MCU: variants seen among roughly 807,000 people sequenced by gnomAD.
MCU encodes the protein calcium uniporter protein, mitochondrial.
MCU carries 12 observed loss-of-function variants against 45.2 expected under a neutral mutation model. That is an observed-to-expected ratio of 0.27 (90% CI 0.17 to 0.43). The LOEUF (loss-of-function observed/expected upper bound fraction) is 0.43. Ranked by LOEUF, MCU falls within the 20% of genes least tolerant of loss-of-function variation. The pLI is 1.00. For missense variants in MCU, 324 were observed against 436.7 expected, an observed-to-expected ratio of 0.74 and a Z score of 2.30; for synonymous variants, 160 against 165.1, an observed-to-expected ratio of 0.97 and a Z score of 0.24.
chr10:72,877,625 T>C (rs1371372184), intron 6 of MCU, among the ~76,000 whole-genome samples: 3 of 152,004 alleles, frequency 2.0e-5, no homozygotes, highest in Non-Finnish European at 4.4e-5. Flanking sequence ...ACACATCTGT[T>C]TAAAGATACT....
rs559441651 is a variant in MCU at position 72,867,208 on chromosome 10, T to A, written c.497-1495T>A. On this transcript the variant is annotated intron_variant, in intron 4 of 7. Coordinates refer to ENST00000373053, the MANE Select transcript of MCU (RefSeq NM_138357.3). ...CTTAAAGAATGTTTGAAATATGTGG[T>A]TAATTCTGACTGTGGCTTGTTTTGT... 9.9e-5 allele frequency among the ~76,000 whole-genome samples: 15 copies of A among 152,046 alleles called. No homozygotes were observed. In the South Asian group the frequency reaches 2.9e-3, roughly 30 times the overall value.
chr10:72,834,537 TGGGCTTAG>T, intron 2 of MCU, 109 bp downstream of exon 2: 1 of 875,838 alleles, frequency 1.1e-6, no homozygotes, highest in Admixed American at 2.2e-5. Context: ...TCAGTTAAGG[TGGGCTTAG>T]GGGTCAGAGA....
intron 1 of MCU, among the ~76,000 whole-genome samples, chr10:72,792,363 C>T (rs969287031): frequency 5.3e-5 from 8 of 152,118 alleles, no homozygotes; most frequent in Admixed American, 5.2e-4. Context: ...AAAACTTTTC[C>T]GATTTGTGCT....
At chr10:72,774,762 A>G (rs1843865210) in intron 1 of MCU, among the ~76,000 whole-genome samples, 1 of 152,196 alleles carries the variant, frequency 6.6e-6, no homozygotes, top group Non-Finnish European at 1.5e-5. Flanking sequence ...ATATTGAATA[A>G]TATAGACTAC....
chr10:72,743,568 AT>A (rs906507596), intron 1 of MCU, among the ~76,000 whole-genome samples: 13 of 151,818 alleles, frequency 8.6e-5, no homozygotes, highest in Non-Finnish European at 1.6e-4. Context: ...TATTAGAAGC[AT>A]TTTTTTTCTG....
At chr10:72,804,592 C>G (rs1844401739) in intron 1 of MCU, among the ~76,000 whole-genome samples, 2 of 152,194 alleles carry the variant, frequency 1.3e-5, no homozygotes, top group South Asian at 4.1e-4. Flanking sequence ...CAGCCTTTTT[C>G]CTAACATAGT....
intron 1 of MCU, among the ~76,000 whole-genome samples, chr10:72,719,597 C>T (rs1323388612): frequency 6.6e-6 from 1 of 152,116 alleles, no homozygotes; most frequent in African/African-American, 2.4e-5. Flanking sequence ...TTTACATGTT[C>T]TTTTGGCTTT....
chr10:72,769,497 A>G (rs887708429), intron 1 of MCU, among the ~76,000 whole-genome samples: 1 of 152,112 alleles, frequency 6.6e-6, no homozygotes, highest in African/African-American at 2.4e-5. Context: ...TGCTGAGGCC[A>G]GTCTTGAACT....
At chr10:72,867,446 TA>T (rs1845474204) in intron 4 of MCU, among the ~76,000 whole-genome samples, 1 of 152,168 alleles carries the variant, frequency 6.6e-6, no homozygotes, top group African/African-American at 2.4e-5. Context: ...GTCGTTCTCA[TA>T]ACTTCATACC....
intron 1 of MCU, among the ~76,000 whole-genome samples, chr10:72,743,800 CA>C (rs560963079): frequency 1.1e-3 from 169 of 152,168 alleles, no homozygotes; most frequent in African/African-American, 3.9e-3. Context: ...AATTTGAGAC[CA>C]ACTAATTAGA....
intron 1 of MCU, among the ~76,000 whole-genome samples, chr10:72,815,597 G>A (rs894742122): frequency 1.3e-5 from 2 of 152,152 alleles, no homozygotes; most frequent in African/African-American, 2.4e-5. Flanking sequence ...TGTTGACCAT[G>A]TCTTGAAGTT....
intron 1 of MCU, among the ~76,000 whole-genome samples, chr10:72,805,160 TG>T (rs1243926480): frequency 3.7e-4 from 52 of 141,260 alleles, no homozygotes; most frequent in African/African-American, 1.5e-3. Flanking sequence ...TCTTTCTTTC[TG>T]TCTCTCTCTC....
chr10:72,854,373 TATC>T (rs1308861222), intron 2 of MCU, among the ~76,000 whole-genome samples: 6 of 151,970 alleles, frequency 3.9e-5, no homozygotes, highest in Admixed American at 2.6e-4. Context: ...CACAAACTCA[TATC>T]ATATACTATG....
At chr10:72,831,215 A>G (rs1305424528) in intron 1 of MCU, among the ~76,000 whole-genome samples, 1 of 152,262 alleles carries the variant, frequency 6.6e-6, no homozygotes, top group Non-Finnish European at 1.5e-5. Flanking sequence ...GTCATGTTTT[A>G]TAACAACCTG....
At chr10:72,854,027 G>C (rs891435000) in intron 2 of MCU, among the ~76,000 whole-genome samples, 1 of 152,062 alleles carries the variant, frequency 6.6e-6, no homozygotes, top group Non-Finnish European at 1.5e-5. Flanking sequence ...CCAGCTATTG[G>C]GGAGGCTGAG....
At chr10:72,876,228 C>A (rs548364061) in intron 6 of MCU, among the ~76,000 whole-genome samples, 1 of 152,210 alleles carries the variant, frequency 6.6e-6, no homozygotes, top group South Asian at 2.1e-4. Context: ...ATGTTAATTT[C>A]TGATAATTTA....
chr10:72,742,265 T>C (rs1297882610), intron 1 of MCU, among the ~76,000 whole-genome samples: 1 of 152,136 alleles, frequency 6.6e-6, no homozygotes, highest in Non-Finnish European at 1.5e-5. Context: ...CTGTACCATC[T>C]CAGTTTGTGT....
intron 2 of MCU, among the ~76,000 whole-genome samples, chr10:72,841,283 G>A (rs895590654): frequency 2.0e-5 from 3 of 151,856 alleles, no homozygotes; most frequent in African/African-American, 7.3e-5. Context: ...AAATTTCTTT[G>A]CCAAAATAAC....
rs1028107248 is a variant in MCU at position 72,765,630 on chromosome 10, C to T, written c.151-68729C>T. On this transcript the variant is annotated intron_variant, in intron 1 of 7. Coordinates refer to ENST00000373053, the MANE Select transcript of MCU (RefSeq NM_138357.3). The stretch of plus-strand genomic sequence containing the variant: ...ATAACATAGCAAGACTCCATCTATA[C>T]AAAAAATAAGAAATATAGCCAGGCA... Among the ~76,000 whole-genome samples the T allele has an allele frequency of 4.6e-5, 7 of 151,562 alleles. No individual in the cohort carries two copies. In the South Asian group the frequency reaches 1.5e-3, roughly 32 times the overall value.
Sources: allele counts gnomAD v4.1 joint callset (sites outside exome capture counted in the v4.1 genomes callset), GRCh38; gene constraint gnomAD v4.1.1; transcripts MANE v1.5; gene names NCBI Gene and HGNC (gene_info 2026-07-23, HGNC 2026-07-21).